The following NBAS variants were observed in gnomAD, a reference collection of about 807,000 sequenced individuals.
The protein encoded by NBAS is NBAS subunit of NRZ tethering complex.
NBAS carries 219 observed loss-of-function variants against 302.5 expected under a neutral mutation model. The ratio of observed to expected loss-of-function variants is 0.72; its 90% CI spans 0.65 to 0.81. The LOEUF (loss-of-function observed/expected upper bound fraction) is 0.81, where lower values mean the gene tolerates loss of function less well. Ranked by LOEUF, NBAS falls within the 30% of genes least tolerant of loss-of-function variation. The pLI is 0.00. For missense variants in NBAS, 2,932 were observed against 2,841.6 expected (o/e 1.03, Z -0.72); for synonymous variants, 1,118 against 1,021.6 (o/e 1.09, Z -1.80).
chr2:15,462,245 T>C (rs1417426261), intron 19 of NBAS, among the ~76,000 whole-genome samples: 1 of 152,216 alleles, frequency 6.6e-6, no homozygotes, highest in Non-Finnish European at 1.5e-5. Context: ...GGAGCTGTGA[T>C]AGGCACTGTG....
rs542499196 is a variant in NBAS, at chr2:15,526,432, C to A, written c.746+8111G>T. Reference sequence around the variant, plus strand: ...TCCTGTTTGTATATTACCAATTTATCCAAATTCAACTCTGGCTGATTTACT... The same window carrying A: ...TCCTGTTTGTATATTACCAATTTATACAAATTCAACTCTGGCTGATTTACT... On this transcript the variant is annotated intron_variant, in intron 9 of 51. Coordinates refer to ENST00000281513, the MANE Select transcript of NBAS (RefSeq NM_015909.4). Among the ~76,000 whole-genome samples the A allele has an allele frequency of 9.0e-4, 137 of 152,242 alleles. 1 individual carries two copies. The highest frequency in any genetic ancestry group is 3.1e-3 in the African/African-American group (127 of 41,552).
At chr2:15,496,075 C>T (rs951970740) in intron 11 of NBAS, among the ~76,000 whole-genome samples, 96 of 143,410 alleles carry the variant, frequency 6.7e-4, no homozygotes, top group African/African-American at 2.4e-3. Flanking sequence ...TATATATATA[C>T]ACACACACAT....
At chr2:15,405,645 A>C (rs1676372892) in intron 25 of NBAS, among the ~76,000 whole-genome samples, 2 of 152,198 alleles carry the variant, frequency 1.3e-5, no homozygotes, top group African/African-American at 4.8e-5. Flanking sequence ...AAACTCTTAA[A>C]ATTATGCACT....
At chr2:15,501,584 A>ATTTTTTTTTTTTTTTTTTTTTTTTTTTTT (rs70961416) in intron 11 of NBAS, among the ~76,000 whole-genome samples, 1 of 107,228 alleles carries the variant, frequency 9.3e-6, no homozygotes, top group Non-Finnish European at 1.8e-5. Flanking sequence ...TGAACTAAAT[A>ATTTTTTTTTTTTTTTTTTTTTTTTTTTTT]TTTTTTTTTT....
At chr2:14,823,158 C>T in the NBAS span, among the ~76,000 whole-genome samples, 1 of 152,206 alleles carries the variant, frequency 6.6e-6, no homozygotes, top group Non-Finnish European at 1.5e-5. Context: ...AGTGTGTTTT[C>T]CAGTGTGCAT....
At chr2:15,368,092 C>T (rs952247214) in intron 31 of NBAS, among the ~76,000 whole-genome samples, 1 of 150,838 alleles carries the variant, frequency 6.6e-6, no homozygotes, top group African/African-American at 2.4e-5. Context: ...CACAAATATA[C>T]ATACACATTT....
At chr2:15,311,348 T>A (rs2148168686) in intron 38 of NBAS, among the ~76,000 whole-genome samples, 1 of 152,312 alleles carries the variant, frequency 6.6e-6, no homozygotes, top group East Asian at 1.9e-4. Context: ...TGAAGTAAAG[T>A]ATGCAAAGTG....
intron 35 of NBAS, among the ~76,000 whole-genome samples, chr2:15,334,215 AGTCTCGCTCTGTCACCCAG>A (rs1259777334): frequency 8.6e-5 from 13 of 150,462 alleles, no homozygotes; most frequent in African/African-American, 2.9e-4. Flanking sequence ...TTTGAGACAG[AGTCTCGCTCTGTCACCCAG>A]GTTGGAGTGC....
At chr2:14,823,736 T>A in the NBAS span, among the ~76,000 whole-genome samples, 1 of 152,258 alleles carries the variant, frequency 6.6e-6, no homozygotes, top group Non-Finnish European at 1.5e-5. Flanking sequence ...AGTTGCTTTT[T>A]TTTCCTAATA....
chr2:15,067,604 A>C, the NBAS span, among the ~76,000 whole-genome samples: 4 of 152,122 alleles, frequency 2.6e-5, no homozygotes, highest in Admixed American at 2.6e-4. Context: ...GCATGATTCC[A>C]CTTATATAAA....
the NBAS span, among the ~76,000 whole-genome samples, chr2:14,785,320 C>G: frequency 6.6e-6 from 1 of 151,448 alleles, no homozygotes; most frequent in Non-Finnish European, 1.5e-5. Flanking sequence ...TTTCCTTCTC[C>G]TGCCTAATTG....
intron 48 of NBAS, among the ~76,000 whole-genome samples, chr2:15,211,795 T>C (rs1666424161): frequency 1.3e-5 from 2 of 152,178 alleles, no homozygotes; most frequent in South Asian, 2.1e-4. Flanking sequence ...CAGTGACATC[T>C]GCTAAACTCA....
At chr2:15,259,741 T>C (rs1187994183) in intron 44 of NBAS, among the ~76,000 whole-genome samples, 2 of 152,218 alleles carry the variant, frequency 1.3e-5, no homozygotes, top group African/African-American at 4.8e-5. Context: ...TCCAGATAAG[T>C]GCCAATTTGC....
chr2:15,342,071 G>C (rs758464169), intron 35 of NBAS, among the ~76,000 whole-genome samples: 9 of 152,076 alleles, frequency 5.9e-5, no homozygotes, highest in Non-Finnish European at 1.0e-4. Context: ...AAAACAAAGT[G>C]AGCATTTACA....
chr2:14,918,873 T>G, the NBAS span, among the ~76,000 whole-genome samples: 2 of 151,294 alleles, frequency 1.3e-5, no homozygotes, highest in Non-Finnish European at 3.0e-5. Flanking sequence ...AGAGGCAGAG[T>G]TGACATAGTG....
At chr2:14,862,239 A>G in the NBAS span, among the ~76,000 whole-genome samples, 3 of 151,932 alleles carry the variant, frequency 2.0e-5, no homozygotes, top group Non-Finnish European at 4.4e-5. Context: ...CCCGGGTTCA[A>G]GTGATTTTTC....
At chr2:15,397,717 G>A in intron 26 of NBAS, 1 of 408,376 alleles carries the variant, frequency 2.4e-6, no homozygotes, top group Non-Finnish European at 4.5e-6. Context: ...AGTTCATGCA[G>A]TGAACAGGCT....
the NBAS span, among the ~76,000 whole-genome samples, chr2:14,972,263 A>G: frequency 6.6e-6 from 1 of 152,050 alleles, no homozygotes; most frequent in South Asian, 2.1e-4. Context: ...GAACACAGAC[A>G]CAGGGAGGGG....
chr2:14,893,727 A>T, the NBAS span, among the ~76,000 whole-genome samples: 1 of 152,038 alleles, frequency 6.6e-6, no homozygotes, highest in African/African-American at 2.4e-5. Flanking sequence ...GTTCTGCCCT[A>T]CTCCCCACCC....
Sources: gnomAD v4.1 joint callset for allele counts (sites outside exome capture counted in the v4.1 genomes callset) on GRCh38, gnomAD v4.1.1 for gene constraint, MANE v1.5 for transcripts, NCBI Gene and HGNC (gene_info 2026-07-23, HGNC 2026-07-21) for gene names.